CAPS2: variants seen among roughly 807,000 people sequenced by gnomAD.
CAPS2 encodes calcyphosine 2, also known as calcyphosin-2.
A neutral mutation model predicts 86.5 loss-of-function variants in CAPS2; 98 were observed. The observed-to-expected ratio is 1.13, with a 90% confidence interval of 0.96 to 1.34. The LOEUF (loss-of-function observed/expected upper bound fraction) is 1.34, where lower values mean the gene tolerates loss of function less well. Ranked by LOEUF, CAPS2 falls within the 40% of genes most tolerant of loss-of-function variation. CAPS2 has a pLI of 0.00. For synonymous variants in CAPS2, 210 were observed against 225.1 expected (o/e 0.93, Z 0.60); for missense variants, 729 against 686.8 (o/e 1.06, Z -0.69).
At chr12:75,296,215 G>T (rs982138558) in intron 11 of CAPS2, among the ~76,000 whole-genome samples, 1 of 152,058 alleles carries the variant, frequency 6.6e-6, no homozygotes, top group African/African-American at 2.4e-5. Flanking sequence ...AGTGTTGTGT[G>T]TATACTTACA....
At chr12:75,282,924 A>G (rs1263642519) in intron 15 of CAPS2, among the ~76,000 whole-genome samples, 1 of 152,136 alleles carries the variant, frequency 6.6e-6, no homozygotes, top group Non-Finnish European at 1.5e-5. Context: ...CCTGACCTCT[A>G]TTTCCATGGC....
At chr12:75,360,866 T>C (rs74974585) in intron 1 of CAPS2, 5,767 of 152,270 alleles carry the variant, frequency 0.038, 126 homozygotes, top group East Asian at 0.052. Flanking sequence ...GGCATTTCCA[T>C]ATGTCCTCTG....
rs2037529047 is a variant in CAPS2 at position 75,299,925 on chromosome 12, C to T, written c.780-14G>A. The stretch of plus-strand genomic sequence containing the variant: ...TGAGTTCTTATCCTGTTAAGAAATA[C>T]ATTTTGTCAGTAATTTTTCAAGATA... On this transcript the variant is annotated splice_polypyrimidine_tract_variant and intron_variant, in intron 8 of 16. Coordinates refer to ENST00000393284, the Ensembl canonical transcript of CAPS2. 5.1e-6 allele frequency: 6 copies of T among 1,165,302 alleles called. No individual in the cohort carries two copies. In the South Asian group the frequency reaches 7.3e-5, roughly 14 times the overall value. 72.2% of individuals were successfully genotyped at this position (1,165,302 alleles called of 1,614,324 possible).
At chr12:75,308,380 C>T (rs11180458) in intron 7 of CAPS2, among the ~76,000 whole-genome samples, 48,296 of 152,052 alleles carry the variant, frequency 0.32, 8,525 homozygotes, top group East Asian at 0.45. Context: ...TGGGAAACCT[C>T]TAGAGGGTAT....
At chr12:75,276,191 T>C, downstream of CAPS2, 1 of 1,536,614 alleles carries the variant, frequency 6.5e-7, no homozygotes, top group Non-Finnish European at 8.8e-7. Context: ...TTCTATTTCT[T>C]TGTTTTAAGC....
At chr12:75,340,986 C>A (rs1266652662) in intron 1 of CAPS2, among the ~76,000 whole-genome samples, 1 of 151,006 alleles carries the variant, frequency 6.6e-6, no homozygotes, top group Non-Finnish European at 1.5e-5. Flanking sequence ...GGTGGGAATG[C>A]AAAATGGTAT....
chr12:75,315,787 A>G (rs2039697014), intron 6 of CAPS2, among the ~76,000 whole-genome samples: 1 of 152,194 alleles, frequency 6.6e-6, no homozygotes, highest in African/African-American at 2.4e-5. Context: ...CCCTTACCCC[A>G]GAACATTACA....
intron 5 of CAPS2, 99 bp downstream of exon 5, chr12:75,321,301 T>C: frequency 1.4e-6 from 1 of 734,944 alleles, no homozygotes; most frequent in Non-Finnish European, 2.2e-6. Context: ...TTATACTTAT[T>C]ATGACTAATA....
intron 14 of CAPS2, among the ~76,000 whole-genome samples, chr12:75,286,814 A>T (rs2034953320): frequency 6.6e-6 from 1 of 151,722 alleles, no homozygotes; most frequent in African/African-American, 2.4e-5. Context: ...CAGAAAAAAT[A>T]TAAAATATTA....
At chr12:75,299,742 C>T in intron 9 of CAPS2, 95 bp downstream of exon 9, 1 of 525,056 alleles carries the variant, frequency 1.9e-6, no homozygotes, top group South Asian at 3.4e-5. Flanking sequence ...TTAAATGACA[C>T]AAACCTATAT....
At chr12:75,338,602 A>G (rs1345644096) in intron 1 of CAPS2, among the ~76,000 whole-genome samples, 1 of 149,198 alleles carries the variant, frequency 6.7e-6, no homozygotes, top group Non-Finnish European at 1.5e-5. Context: ...TTTTTTTTTC[A>G]GTTTTTAAGT....
chr12:75,358,115 A>T (rs1045437288), intron 1 of CAPS2, among the ~76,000 whole-genome samples: 11 of 151,840 alleles, frequency 7.2e-5, no homozygotes, highest in Non-Finnish European at 5.9e-5. Flanking sequence ...TGATCAAAAA[A>T]AGATAAAAAT....
intron 1 of CAPS2, among the ~76,000 whole-genome samples, chr12:75,337,362 T>C (rs1324847085): frequency 6.6e-6 from 1 of 151,690 alleles, no homozygotes; most frequent in African/African-American, 2.4e-5. Flanking sequence ...AAAAAAAAGA[T>C]TAATGAAGAA....
At chr12:75,330,111 C>T (rs1195813305), upstream of CAPS2, 4 of 373,196 alleles carry the variant, frequency 1.1e-5, no homozygotes, top group East Asian at 1.2e-4. Context: ...ACACTCTGAC[C>T]TCCAGGGACG....
intron 1 of CAPS2, among the ~76,000 whole-genome samples, chr12:75,387,207 C>G (rs1355584578): frequency 6.6e-6 from 1 of 152,068 alleles, no homozygotes; most frequent in African/African-American, 2.4e-5. Context: ...TCTTTAAACT[C>G]AACAATCGAA....
At chr12:75,349,200 TCA>T (rs1015007032) in intron 1 of CAPS2, among the ~76,000 whole-genome samples, 2 of 152,290 alleles carry the variant, frequency 1.3e-5, no homozygotes, top group African/African-American at 4.8e-5. Context: ...TTCTTGGCAC[TCA>T]CACAGGGAGC....
chr12:75,329,952 C>A, upstream of CAPS2: 5 of 1,204,220 alleles, frequency 4.2e-6, no homozygotes, highest in South Asian at 2.7e-5. Flanking sequence ...AAGAAGAGGT[C>A]CAGAGTTAGA....
intron 5 of CAPS2, among the ~76,000 whole-genome samples, chr12:75,320,226 A>G (rs1375927519): frequency 6.6e-6 from 1 of 152,078 alleles, no homozygotes; most frequent in Non-Finnish European, 1.5e-5. Context: ...AACCAAAAGT[A>G]AAAAAAGTCC....
intron 1 of CAPS2, among the ~76,000 whole-genome samples, chr12:75,342,869 A>G (rs2042208396): frequency 6.6e-6 from 1 of 152,048 alleles, no homozygotes; most frequent in Non-Finnish European, 1.5e-5. Context: ...TGCAGTTTTC[A>G]GCATAGAGAT....
Sources: allele counts gnomAD v4.1 joint callset (sites outside exome capture counted in the v4.1 genomes callset), GRCh38; gene constraint gnomAD v4.1.1; transcripts MANE v1.5; gene names NCBI Gene and HGNC (gene_info 2026-07-23, HGNC 2026-07-21).